OPCML: variants seen among roughly 807,000 people sequenced by gnomAD.
OPCML encodes the protein opioid binding protein/cell adhesion molecule like.
OPCML carries 13 observed loss-of-function variants against 37.8 expected under a neutral mutation model. The observed-to-expected ratio is 0.34, with a 90% CI of 0.22 to 0.55. The LOEUF (loss-of-function observed/expected upper bound fraction) is 0.55, where lower values mean the gene tolerates loss of function less well. OPCML is among the 20% of genes least tolerant of loss of function. The pLI, the probability that OPCML is intolerant of heterozygous loss-of-function variation, is 0.91. For missense variants in OPCML, 341 were observed against 435.6 expected (o/e 0.78, Z 1.93); for synonymous variants, 176 against 168.8 (o/e 1.04, Z -0.33).
rs549058255 is a variant in OPCML at position 132,882,322 on chromosome 11, C to A, written c.146+60604G>T. On this transcript the variant is annotated intron_variant, in intron 2 of 7. Transcript: ENST00000524381. The stretch of plus-strand genomic sequence containing the variant: ...AAGTATTACAAAATCAAATCCAGTA[C>A]ATCATCTTTCTGCAACATAAAACTT... 2.0e-5 allele frequency among the ~76,000 whole-genome samples: 3 copies of A among 152,318 alleles called. No individual in the cohort carries two copies. In the South Asian group the frequency reaches 6.2e-4, roughly 32 times the overall value.
At chr11:133,204,850 T>TTATATATATATATATGTGTATATA (rs1938961273) in intron 1 of OPCML, among the ~76,000 whole-genome samples, 1 of 123,618 alleles carries the variant, frequency 8.1e-6, no homozygotes, top group Non-Finnish European at 1.7e-5. Flanking sequence ...TTGTGATCTA[T>TTATATATATATATATGTGTATATA]TATATATATA....
intron 1 of OPCML, among the ~76,000 whole-genome samples, chr11:133,488,687 T>C (rs1395535954): frequency 2.0e-5 from 3 of 152,036 alleles, no homozygotes; most frequent in African/African-American, 7.2e-5. Flanking sequence ...TTTATCAAAT[T>C]ACCAATGTCA....
intron 1 of OPCML, among the ~76,000 whole-genome samples, chr11:133,099,434 C>CTTTTTTTTTT (rs940124657): frequency 4.2e-5 from 5 of 119,050 alleles, no homozygotes; most frequent in African/African-American, 1.1e-4. Context: ...GGCTAATTTT[C>CTTTTTTTTTT]TTTTTTTCTT....
intron 1 of OPCML, among the ~76,000 whole-genome samples, chr11:132,986,398 G>A (rs1309958217): frequency 6.6e-6 from 1 of 152,162 alleles, no homozygotes; most frequent in Admixed American, 6.5e-5. Context: ...TTAAGGTTAA[G>A]TAAGTCACTG....
At chr11:132,701,347 C>A (rs895391280) in intron 2 of OPCML, among the ~76,000 whole-genome samples, 20 of 152,252 alleles carry the variant, frequency 1.3e-4, no homozygotes, top group Admixed American at 8.5e-4. Context: ...GGACTTATTG[C>A]AATTCAAGGT....
intron 1 of OPCML, among the ~76,000 whole-genome samples, chr11:133,203,866 G>T (rs1241533775): frequency 6.6e-6 from 1 of 151,988 alleles, no homozygotes; most frequent in Non-Finnish European, 1.5e-5. Context: ...AGACCATCCT[G>T]GCTAACACGG....
chr11:132,685,363 C>A (rs1246448522), intron 2 of OPCML, among the ~76,000 whole-genome samples: 1 of 152,144 alleles, frequency 6.6e-6, no homozygotes, highest in East Asian at 1.9e-4. Context: ...TCCCTGAGTT[C>A]TTTGGAAATT....
intron 1 of OPCML, among the ~76,000 whole-genome samples, chr11:133,348,816 T>A (rs544437946): frequency 8.5e-5 from 13 of 152,240 alleles, no homozygotes; most frequent in African/African-American, 3.1e-4. Context: ...CATCGATATT[T>A]ATACCGTAAT....
chr11:133,488,586 C>T (rs1048641167), intron 1 of OPCML, among the ~76,000 whole-genome samples: 9 of 152,036 alleles, frequency 5.9e-5, no homozygotes, highest in African/African-American at 2.2e-4. Context: ...TGGAATAAAT[C>T]ATAGATGACA....
At chr11:133,454,152 T>G (rs543448191) in intron 1 of OPCML, among the ~76,000 whole-genome samples, 2 of 152,338 alleles carry the variant, frequency 1.3e-5, no homozygotes, top group Admixed American at 6.5e-5. Flanking sequence ...AGGGTCATGA[T>G]AGTTCTGTGG....
chr11:133,405,550 C>T (rs1333437359), intron 1 of OPCML, among the ~76,000 whole-genome samples: 4 of 152,102 alleles, frequency 2.6e-5, no homozygotes, highest in African/African-American at 9.7e-5. Flanking sequence ...GATAGAAGAC[C>T]CAGGGATTCC....
intron 1 of OPCML, among the ~76,000 whole-genome samples, chr11:133,515,669 T>C (rs552393689): frequency 3.9e-4 from 60 of 152,050 alleles, no homozygotes; most frequent in African/African-American, 1.4e-3. Context: ...AGAAGATGGA[T>C]TGTAATGGGC....
At chr11:133,135,543 C>G (rs1443890567) in intron 1 of OPCML, among the ~76,000 whole-genome samples, 1 of 151,452 alleles carries the variant, frequency 6.6e-6, no homozygotes, top group Admixed American at 6.6e-5. Context: ...TGTCCCTACC[C>G]AGTTGAATTT....
At chr11:132,605,518 C>T (rs757946536) in intron 3 of OPCML, among the ~76,000 whole-genome samples, 4 of 151,932 alleles carry the variant, frequency 2.6e-5, no homozygotes, top group African/African-American at 9.7e-5. Context: ...GAGCCAAGAT[C>T]GCACCACTGT....
chr11:133,469,439 G>A (rs7481261), intron 1 of OPCML, among the ~76,000 whole-genome samples: 43,492 of 152,058 alleles, frequency 0.29, 7,734 homozygotes, highest in African/African-American at 0.51. Context: ...GTGTATAAGT[G>A]CATTCTGTGA....
chr11:132,523,399 T>A (rs1210655295), intron 4 of OPCML, among the ~76,000 whole-genome samples: 1 of 138,638 alleles, frequency 7.2e-6, no homozygotes, highest in Non-Finnish European at 1.7e-5. Context: ...ATCAGTGCCA[T>A]TGATCACATT....
At chr11:132,462,846 A>G (rs142374914) in intron 4 of OPCML, among the ~76,000 whole-genome samples, 99 of 152,302 alleles carry the variant, frequency 6.5e-4, no homozygotes, top group East Asian at 3.9e-3. Context: ...TCAAGTTTGT[A>G]TCTGGAAATT....
intron 1 of OPCML, among the ~76,000 whole-genome samples, chr11:133,016,780 G>A (rs1947343191): frequency 6.6e-6 from 1 of 152,120 alleles, no homozygotes; most frequent in Admixed American, 6.5e-5. Flanking sequence ...TCCCACATGT[G>A]CACACAAACA....
chr11:132,486,944 T>C (rs990351780), intron 4 of OPCML, among the ~76,000 whole-genome samples: 7 of 152,236 alleles, frequency 4.6e-5, no homozygotes, highest in African/African-American at 1.7e-4. Flanking sequence ...TCAATGCTTA[T>C]TGCATCTCAT....
Sources: allele counts gnomAD v4.1 joint callset (sites outside exome capture counted in the v4.1 genomes callset), GRCh38; gene constraint gnomAD v4.1.1; transcripts MANE v1.5; gene names NCBI Gene and HGNC (gene_info 2026-07-23, HGNC 2026-07-21).